The following CCDC30 variants were observed in gnomAD, a reference collection of about 807,000 sequenced individuals.
CCDC30 encodes the protein coiled-coil domain-containing protein 30.
A neutral mutation model predicts 100.2 loss-of-function variants in CCDC30; 70 were observed. The observed-to-expected ratio is 0.70, with a 90% CI of 0.58 to 0.85. The LOEUF is 0.85. CCDC30 is among the 40% of genes least tolerant of loss of function. The pLI is 0.00. For synonymous variants in CCDC30, 233 were observed against 269.5 expected (o/e 0.86, Z 1.33); for missense variants, 652 against 771.2 (o/e 0.85, Z 1.83).
intron 12 of CCDC30, among the ~76,000 whole-genome samples, chr1:42,638,966 A>G (rs947590095): frequency 6.6e-6 from 1 of 152,116 alleles, no homozygotes; most frequent in African/African-American, 2.4e-5. Context: ...ACATATCATC[A>G]GCCTATTTCT....
At chr1:42,627,180 G>A (rs539578380) in intron 11 of CCDC30, among the ~76,000 whole-genome samples, 31 of 152,172 alleles carry the variant, frequency 2.0e-4, no homozygotes, top group Admixed American at 9.2e-4. Flanking sequence ...GGGAACTGGA[G>A]CAAGGGTGAT....
intron 7 of CCDC30, among the ~76,000 whole-genome samples, chr1:42,575,084 T>G (rs1645805399): frequency 6.6e-6 from 1 of 152,144 alleles, no homozygotes; most frequent in African/African-American, 2.4e-5. Flanking sequence ...ATCTGATTGG[T>G]TAATATAGAG....
At chr1:42,582,059 C>CAAAA (rs770972866) in intron 9 of CCDC30, among the ~76,000 whole-genome samples, 2 of 99,088 alleles carry the variant, frequency 2.0e-5, no homozygotes. Context: ...TTGTCTATAC[C>CAAAA]AAAAAAAAAA....
Position 42,500,238 on chromosome 1 carries a change from C to T in CCDC30, c.456+1322C>T, listed in dbSNP as rs1644288975. The T allele has an allele frequency of 3.1e-6, 5 of 1,603,580 alleles. No individual in the cohort carries two copies. The African/African-American group carries it at 5.4e-5, about 17-fold the overall frequency. On this transcript the variant is annotated intron_variant, in intron 6 of 16. Coordinates refer to ENST00000668663, the Ensembl canonical transcript of CCDC30. ...CGCCTGCTTGCTTCTCCTGTTCAATCGTTTCTTTGGAAGGCAGTGGATTTT... is the reference window on the plus strand; with the variant it reads ...CGCCTGCTTGCTTCTCCTGTTCAATTGTTTCTTTGGAAGGCAGTGGATTTT...
At chr1:42,606,597 A>G (rs1646506384) in intron 10 of CCDC30, among the ~76,000 whole-genome samples, 2 of 152,220 alleles carry the variant, frequency 1.3e-5, no homozygotes, top group African/African-American at 2.4e-5. Flanking sequence ...TCTTCTTTGC[A>G]TGAGCAGGTT....
intron 10 of CCDC30, chr1:42,592,815 C>T (rs2148612288): frequency 6.6e-6 from 1 of 152,320 alleles, no homozygotes; most frequent in East Asian, 1.9e-4. Flanking sequence ...TGTCTGCTCC[C>T]ACTTCACCTA....
At chr1:42,606,540 G>A (rs1354587236) in intron 10 of CCDC30, among the ~76,000 whole-genome samples, 1 of 152,146 alleles carries the variant, frequency 6.6e-6, no homozygotes, top group Non-Finnish European at 1.5e-5. Context: ...GGCCTGCAGC[G>A]AGCTCACATG....
At chr1:42,575,649 C>CAAA (rs71065186) in intron 7 of CCDC30, among the ~76,000 whole-genome samples, 1 of 76,950 alleles carries the variant, frequency 1.3e-5, no homozygotes, top group East Asian at 5.3e-4. Context: ...GACCCTGTCT[C>CAAA]AAAAAAAAAG....
At chr1:42,513,927 G>A (rs184032149) in intron 6 of CCDC30, among the ~76,000 whole-genome samples, 129 of 152,182 alleles carry the variant, frequency 8.5e-4, no homozygotes, top group African/African-American at 3.0e-3. Context: ...GGTGAGAGAG[G>A]GGGAAGGGCT....
At chr1:42,474,660 G>A (rs940244317) in intron 1 of CCDC30, among the ~76,000 whole-genome samples, 1 of 152,070 alleles carries the variant, frequency 6.6e-6, no homozygotes, top group Non-Finnish European at 1.5e-5. Context: ...TCAGTCTCTG[G>A]TTTCTACCCA....
intron 6 of CCDC30, among the ~76,000 whole-genome samples, chr1:42,550,885 T>C (rs1167847653): frequency 6.6e-6 from 1 of 152,230 alleles, no homozygotes; most frequent in African/African-American, 2.4e-5. Flanking sequence ...ATCTTTTTCT[T>C]CCTCTGTGGG....
At chr1:42,618,606 T>C (rs1324111604) in intron 11 of CCDC30, among the ~76,000 whole-genome samples, 1 of 152,204 alleles carries the variant, frequency 6.6e-6, no homozygotes, top group East Asian at 1.9e-4. Flanking sequence ...GAAGTGTACC[T>C]TTTTGTAAAG....
chr1:42,586,033 T>C (rs969430551), intron 9 of CCDC30, among the ~76,000 whole-genome samples: 89 of 152,248 alleles, frequency 5.8e-4, no homozygotes, highest in African/African-American at 2.1e-3. Flanking sequence ...GTAAGTGTTA[T>C]ACTAAAGGAG....
intron 1 of CCDC30, chr1:42,464,194 A>G (rs1263664379): frequency 6.6e-6 from 1 of 152,218 alleles, no homozygotes; most frequent in African/African-American, 2.4e-5. Context: ...TGGGTAAACT[A>G]GAGACTAGGA....
intron 11 of CCDC30, among the ~76,000 whole-genome samples, chr1:42,622,477 T>C (rs1235826553): frequency 6.6e-6 from 1 of 152,208 alleles, no homozygotes; most frequent in Non-Finnish European, 1.5e-5. Flanking sequence ...CTCAAATATA[T>C]GATAGCTCAA....
chr1:42,575,521 G>A (rs1247051695), intron 7 of CCDC30, among the ~76,000 whole-genome samples: 1 of 151,466 alleles, frequency 6.6e-6, no homozygotes, highest in Non-Finnish European at 1.5e-5. Context: ...ATGGTGGCGG[G>A]TGCCTGTAGT....
chr1:42,461,483 GTGCCACCA>G (rs776714210), upstream of CCDC30, among the ~76,000 whole-genome samples: 6 of 151,926 alleles, frequency 3.9e-5, no homozygotes, highest in Non-Finnish European at 7.4e-5. Context: ...CTACAGGTGT[GTGCCACCA>G]TGCCTGGCTA....
At chr1:42,519,921 ACT>A (rs1644611246) in intron 6 of CCDC30, among the ~76,000 whole-genome samples, 1 of 151,978 alleles carries the variant, frequency 6.6e-6, no homozygotes, top group South Asian at 2.1e-4. Context: ...TTCATAGTAC[ACT>A]CTTAAAATCA....
intron 3 of CCDC30, among the ~76,000 whole-genome samples, chr1:42,483,451 A>G (rs1643998614): frequency 6.6e-6 from 1 of 152,190 alleles, no homozygotes; most frequent in African/African-American, 2.4e-5. Flanking sequence ...TTCCAAGGTA[A>G]TTATACTAAT....
Sources: allele counts gnomAD v4.1 joint callset (sites outside exome capture counted in the v4.1 genomes callset), GRCh38; gene constraint gnomAD v4.1.1; transcripts MANE v1.5; gene names NCBI Gene and HGNC (gene_info 2026-07-23, HGNC 2026-07-21).